The following ECPAS variants were observed in gnomAD, a reference collection of about 807,000 sequenced individuals.
ECPAS encodes the protein Ecm29 proteasome adaptor and scaffold, also known as proteasome adapter and scaffold protein ECM29.
Under a neutral mutation model 255.1 loss-of-function variants are expected in ECPAS, and 70 were observed. That is an observed-to-expected ratio of 0.27 (90% CI 0.23 to 0.33). The LOEUF is 0.33. ECPAS is among the 10% of genes least tolerant of loss of function. The pLI is 1.00. For missense variants in ECPAS, 1,817 were observed against 2,206.4 expected (o/e 0.82, Z 3.54); for synonymous variants, 784 against 775.0 (o/e 1.01, Z -0.19).
rs762283444 is a variant in ECPAS, at chr9:111,436,920, G to A, written c.708+20C>T. On this transcript the variant is annotated intron_variant, in intron 7 of 49. Coordinates refer to ENST00000684092, the MANE Select transcript of ECPAS (RefSeq NM_001364929.1). Reference sequence around the variant, plus strand: ...AGTGTCCACAATCAACTACTATTATGAGCAAGCCTTGTGTGATACCTGTTC... The same window carrying A: ...AGTGTCCACAATCAACTACTATTATAAGCAAGCCTTGTGTGATACCTGTTC... 9.5e-6 allele frequency: 15 copies of A among 1,575,720 alleles called. No homozygotes were observed. Among genetic ancestry groups the A allele is most frequent in the Non-Finnish European group, 1.3e-5 (15 of 1,163,416 alleles).
intron 2 of ECPAS, among the ~76,000 whole-genome samples, chr9:111,464,260 C>G (rs2098276560): frequency 6.7e-6 from 1 of 148,562 alleles, no homozygotes; most frequent in Non-Finnish European, 1.5e-5. Flanking sequence ...TGACAAAACT[C>G]CATCTCTACC....
chr9:111,385,414 C>T lies in ECPAS; in HGVS notation c.3556G>A (p.Gly1186Arg). The T allele has an allele frequency of 6.4e-7, 1 of 1,574,164 alleles. No individual in the cohort carries two copies. The highest frequency in any genetic ancestry group is 8.6e-7 in the Non-Finnish European group (1 of 1,158,266). ...TCAATGATGTCATCTAAGGGTCTTC[C>T]TCTCAATAAATCATTCAAAGCTAAA... ...SCLALNDLLRGRPLDDIIDKL... is the reference protein window; with the variant it reads ...SCLALNDLLRRRPLDDIIDKL... Residue 1186 changes from glycine (G) to arginine (R), a missense_variant, in exon 33 of 50, where the codon GGA becomes AGA. By Grantham distance (125) the Gly-to-Arg change is moderately radical. Around this residue, in one of 4 missense-constraint regions of ECPAS, gnomAD observed 960 missense variants for 1,179.0 expected, o/e 0.81. Coordinates refer to ENST00000684092, the MANE Select transcript of ECPAS (RefSeq NM_001364929.1).
chr9:111,449,536 G>T (rs530812582), intron 3 of ECPAS, among the ~76,000 whole-genome samples: 2 of 151,946 alleles, frequency 1.3e-5, no homozygotes, highest in South Asian at 2.1e-4. Context: ...TGATAGAAGT[G>T]AATGATACAC....
chr9:111,410,012 G>C (rs2098191407), intron 23 of ECPAS, 29 bp downstream of exon 23: 1 of 1,524,666 alleles, frequency 6.6e-7, no homozygotes, highest in Non-Finnish European at 8.9e-7. Flanking sequence ...CCGAATTCCA[G>C]AAAGGGAAAA....
chr9:111,484,324 T>C lies in ECPAS; in HGVS notation c.-291A>G. 6.3e-7 allele frequency: 1 copy of C among 1,597,824 alleles called. No individual in the cohort carries two copies. Among genetic ancestry groups the C allele is most frequent in the Non-Finnish European group, 8.5e-7 (1 of 1,173,770 alleles). On this transcript the variant is annotated 5_prime_UTR_variant, in exon 1 of 50. Transcript: ENST00000684092. ...CGCCCTTTTCCGAGGTCTGCGGCTG[T>C]CACGTTGGCTGGGCCCGACCTGGGG...
In ECPAS at chr9:111,433,336, G is replaced by C; in HGVS notation, c.745C>G (p.Gln249Glu). 3.1e-6 allele frequency: 5 copies of C among 1,613,994 alleles called. No individual in the cohort carries two copies. The South Asian group carries it at 4.4e-5, about 14-fold the overall frequency. ...AGAACAGCTTCAAGTTCAGGCACCT[G>C]TTCAGCTTCTATGAATTTCACGATT... Reference protein sequence around the residue: ...LGIVKFIEAEQVPELEAVLHL... With the variant: ...LGIVKFIEAEEVPELEAVLHL... Residue 249 changes from glutamine (Q) to glutamate (E), a missense_variant, in exon 8 of 50, where the codon CAG becomes GAG. This residue lies in a region of ECPAS where 573 missense variants were observed against 716.2 expected (regional missense o/e 0.80). Coordinates refer to ENST00000684092, the MANE Select transcript of ECPAS (RefSeq NM_001364929.1).
At chr9:111,447,827 A>G (rs977623495) in intron 3 of ECPAS, among the ~76,000 whole-genome samples, 64 of 152,132 alleles carry the variant, frequency 4.2e-4, no homozygotes, top group African/African-American at 1.5e-3. Context: ...TATAATAGAA[A>G]GATACATTTA....
intron 9 of ECPAS, among the ~76,000 whole-genome samples, chr9:111,429,956 G>T (rs1231485969): frequency 6.6e-6 from 1 of 152,138 alleles, no homozygotes; most frequent in Non-Finnish European, 1.5e-5. Flanking sequence ...TAAGGCAAAG[G>T]TCTTACTTTG....
At position 111,382,857 on chromosome 9, in the gene ECPAS, T is replaced by G. The variant is rs146758864; in HGVS notation, c.3803+354A>C. Among the ~76,000 whole-genome samples the G allele has an allele frequency of 3.3e-3, 498 of 152,338 alleles. 2 individuals carry two copies. The highest frequency in any genetic ancestry group is 6.8e-3 in the Middle Eastern group (2 of 294). On this transcript the variant is annotated intron_variant, in intron 35 of 49. Coordinates refer to ENST00000684092, the MANE Select transcript of ECPAS (RefSeq NM_001364929.1). ...GTAAGTACATTTTTTGAATATTTCA[T>G]CGTTGCAGGTGGTAAACAGCTTCTC...
At chr9:111,476,289 G>A (rs539467559) in intron 1 of ECPAS, among the ~76,000 whole-genome samples, 1 of 152,216 alleles carries the variant, frequency 6.6e-6, no homozygotes, top group East Asian at 1.9e-4. Context: ...CTTCCCTGTT[G>A]GAAATCTCTC....
chr9:111,450,906 T>C (rs555357340), intron 3 of ECPAS, among the ~76,000 whole-genome samples: 14 of 152,170 alleles, frequency 9.2e-5, no homozygotes, highest in East Asian at 1.9e-4. Flanking sequence ...GCCTGGGTGA[T>C]AGAGTGAGAC....
Position 111,484,147 on chromosome 9 carries a change from G to C in ECPAS, c.-114C>G. The C allele has an allele frequency of 2.0e-6, 3 of 1,466,348 alleles. No homozygotes were observed. The South Asian group carries it at 3.9e-5, about 19-fold the overall frequency. 90.8% of individuals were successfully genotyped at this position (1,466,348 alleles called of 1,614,324 possible). On this transcript the variant is annotated 5_prime_UTR_variant, in exon 1 of 50. Transcript: ENST00000684092. ...CGGAGCCGGTCTCCATGCCGCGGAC[G>C]CTGCGCTCGGCGCCGCGAGGTGAGG... is the stretch of plus-strand genomic sequence containing the variant.
chr9:111,378,816 T>G, intron 35 of ECPAS, 86 bp from the exon 36 acceptor site: 1 of 1,297,078 alleles, frequency 7.7e-7, no homozygotes, highest in Non-Finnish European at 1.1e-6. Flanking sequence ...GTTCTGCAGT[T>G]CACTGCATTA....
chr9:111,416,185 C>A, intron 18 of ECPAS, 87 bp downstream of exon 18: 1 of 950,106 alleles, frequency 1.1e-6, no homozygotes, highest in Non-Finnish European at 1.7e-6. Context: ...ACCTAAAACA[C>A]AACAAAATGA....
rs1310596176 is a variant in ECPAS at position 111,428,082 on chromosome 9, C to A, written c.1010G>T (p.Arg337Leu). 5 of 1,613,322 alleles carry A rather than the reference C, an allele frequency of 3.1e-6. No homozygotes were observed. Among genetic ancestry groups the A allele is most frequent in the Admixed American group, 1.7e-5 (1 of 59,930 alleles). The change falls in exon 10 of 50, where the codon CGC becomes CTC. Residue 337 changes from arginine to leucine, a missense_variant. By Grantham distance (102) the Arg-to-Leu change is moderately radical. Coordinates refer to ENST00000684092, the MANE Select transcript of ECPAS (RefSeq NM_001364929.1). ...GAACGTTTCAGCAGCTTGTCTAGAG[C>A]GGAGGAGATGGGGGACAATCTTTAA... ...VKLKIVPHLL[R>L]SRQAAETFPA...
At chr9:111,470,543 C>CTTGTGA in intron 2 of ECPAS, among the ~76,000 whole-genome samples, 1 of 152,064 alleles carries the variant, frequency 6.6e-6, no homozygotes, top group Non-Finnish European at 1.5e-5. Context: ...AACTCCTGAC[C>CTTGTGA]TCGTGATCCG....
intron 3 of ECPAS, among the ~76,000 whole-genome samples, chr9:111,447,288 T>C (rs924062395): frequency 2.0e-5 from 3 of 152,032 alleles, no homozygotes; most frequent in Non-Finnish European, 4.4e-5. Context: ...CCATGCATGG[T>C]TTTTTTCTTT....
At chr9:111,440,548 A>G (rs1363810819) in intron 5 of ECPAS, 27 bp from the exon 6 acceptor site, 1 of 1,514,604 alleles carries the variant, frequency 6.6e-7, no homozygotes, top group South Asian at 1.2e-5. Flanking sequence ...ATTTATTGCA[A>G]CTACTTAAAA....
chr9:111,421,409 A>ATGTGTGTGTGTGTG (rs71372622), intron 15 of ECPAS, among the ~76,000 whole-genome samples: 4 of 143,432 alleles, frequency 2.8e-5, no homozygotes, highest in South Asian at 2.3e-4. Context: ...TATTACATAT[A>ATGTGTGTGTGTGTG]TGTGTGTGTG....
Sources: allele counts gnomAD v4.1 joint callset (sites outside exome capture counted in the v4.1 genomes callset), GRCh38; gene constraint gnomAD v4.1.1; regional missense constraint gnomAD v4.1.1; transcripts MANE v1.5; gene names NCBI Gene and HGNC (gene_info 2026-07-23, HGNC 2026-07-21).